SSX1: variants seen among roughly 807,000 people sequenced by gnomAD.
The protein encoded by SSX1 is protein SSX1.
SSX1 carries 58 observed loss-of-function variants against 14.6 expected under a neutral mutation model. The observed-to-expected ratio is 3.96, with a 90% confidence interval of 3.21 to 4.93. The LOEUF is 4.93. Ranked by LOEUF, SSX1 falls within the 30% of genes most tolerant of loss-of-function variation. The pLI, the probability that SSX1 is intolerant of heterozygous loss-of-function variation, is 0.00. For synonymous variants in SSX1, 46 were observed against 52.1 expected (o/e 0.88, Z 0.50); for missense variants, 272 against 143.1 (o/e 1.90, Z -4.60).
chrX:48,264,552 T>C (rs1239769674), intron 6 of SSX1, among the ~76,000 whole-genome samples: 2 of 112,465 alleles, frequency 1.8e-5, no homozygotes, highest in Non-Finnish European at 3.7e-5. Flanking sequence ...CTCTTCTTGT[T>C]GGTGGAGGGT....
At chrX:48,264,829 T>C (rs1556936154) in intron 6 of SSX1, among the ~76,000 whole-genome samples, 1 of 112,974 alleles carries the variant, frequency 8.9e-6, no homozygotes, top group African/African-American at 3.2e-5. Flanking sequence ...TTAATCTATA[T>C]TGAAAATCTG....
rs372281308 is a variant in SSX1, at chrX:48,267,256, T to TAC, written c.*428_*429dup. On this transcript the variant is annotated 3_prime_UTR_variant, in exon 8 of 8. Coordinates refer to ENST00000376919, the MANE Select transcript of SSX1 (RefSeq NM_005635.4). ...AATTTCAGACTTTTTCCTCTGCATT[T>TAC]ACACACACACACACACACACACGCA... The TAC allele has an allele frequency of 2.9e-3, 615 of 208,918 alleles. 1 individual carries two copies. Among genetic ancestry groups the TAC allele is most frequent in the African/African-American group, 7.6e-3 (212 of 28,077 alleles). 17.2% of individuals were successfully genotyped at this position (208,918 alleles called of 1,213,427 possible).
At position 48,257,868 on chromosome X, in the gene SSX1, A is replaced by T; in HGVS notation, c.184+8A>T. 9.0e-7 allele frequency: 1 copy of T among 1,109,531 alleles called. No individual in the cohort carries two copies. The highest frequency in any genetic ancestry group is 1.2e-6 in the Non-Finnish European group (1 of 809,814). The allele number at this position is 1,109,531 out of a possible 1,213,427, so 91.4% of individuals were successfully genotyped here. On this transcript the variant is annotated splice_region_variant and intron_variant, in intron 3 of 7. Coordinates refer to ENST00000376919, the MANE Select transcript of SSX1 (RefSeq NM_005635.4). ...AGGCCATGACTAAACTAGGTAACAG[A>T]AAGTTCTAGGAACAGACAAGTCTGG...
chrX:48,259,187 G>T (rs1436979925), intron 4 of SSX1, among the ~76,000 whole-genome samples: 1 of 110,752 alleles, frequency 9.0e-6, no homozygotes, highest in Non-Finnish European at 1.9e-5. Flanking sequence ...AGTAGAGATG[G>T]GGTTTCACCA....
intron 6 of SSX1, among the ~76,000 whole-genome samples, chrX:48,265,992 T>C (rs1337957458): frequency 8.9e-6 from 1 of 111,907 alleles, no homozygotes; most frequent in African/African-American, 3.3e-5. Flanking sequence ...CTGTGTGCCC[T>C]TAACAAATAC....
chrX:48,258,085 T>G (rs1411621972), intron 3 of SSX1, among the ~76,000 whole-genome samples: 1 of 108,736 alleles, frequency 9.2e-6, no homozygotes, highest in Non-Finnish European at 1.9e-5. Context: ...TTTCTCTCCC[T>G]TAGGCGTCTG....
At chrX:48,266,759 G>A (rs2059625453) in intron 7 of SSX1, 95 bp from the exon 8 acceptor site, 1 of 595,572 alleles carries the variant, frequency 1.7e-6, no homozygotes, top group South Asian at 2.6e-5. Flanking sequence ...CAGAATCAGA[G>A]TGTGCAGGGT....
chrX:48,264,195 T>C (rs782006237), intron 6 of SSX1, among the ~76,000 whole-genome samples: 1 of 112,305 alleles, frequency 8.9e-6, no homozygotes, highest in Non-Finnish European at 1.9e-5. Context: ...AGTTCGTAAA[T>C]TGTTTGGAGG....
chrX:48,265,287 C>G (rs1488899508), intron 6 of SSX1, among the ~76,000 whole-genome samples: 1 of 112,494 alleles, frequency 8.9e-6, no homozygotes, highest in Non-Finnish European at 1.9e-5. Context: ...AGAGGCCTAG[C>G]TTTCATCCTG....
Position 48,267,282 on chromosome X carries a change from C to CACAGAGAG in SSX1, c.*436_*437insGAGAGACA. The stretch of plus-strand genomic sequence containing the variant: ...ACACACACACACACACACACACGCA[C>CACAGAGAG]ACACACACACCAAGTACCAGTATAA... On this transcript the variant is annotated 3_prime_UTR_variant, in exon 8 of 8. Transcript: ENST00000376919. 4.3e-6 allele frequency: 1 copy of CACAGAGAG among 235,003 alleles called. No homozygotes were observed. Among genetic ancestry groups the CACAGAGAG allele is most frequent in the Admixed American group, 6.4e-5 (1 of 15,643 alleles). The allele number at this position is 235,003 out of a possible 1,213,427, so 19.4% of individuals were successfully genotyped here.
Position 48,255,662 on chromosome X carries a change from G to A in SSX1, c.-21+230G>A, listed in dbSNP as rs782532307. Among the ~76,000 whole-genome samples, 4 of 104,607 alleles carry A rather than the reference G, an allele frequency of 3.8e-5. No homozygotes were observed. The East Asian group carries it at 9.1e-4, about 24-fold the overall frequency. The allele number at this position is 104,607 out of a possible 115,157, so 90.8% of individuals were successfully genotyped here. ...TTTTTTTTTTTTTTAGTAGAGACGG[G>A]GATTTGTTATGTTGACCAGGCTGGC... On this transcript the variant is annotated intron_variant, in intron 1 of 7. Transcript: ENST00000376919.
intron 4 of SSX1, among the ~76,000 whole-genome samples, chrX:48,261,191 T>G (rs1478686605): frequency 8.9e-6 from 1 of 112,207 alleles, no homozygotes; most frequent in Admixed American, 9.5e-5. Context: ...GTGTCTAAAC[T>G]GTCTTCAATA....
In SSX1 at chrX:48,266,914, T is replaced by C; in HGVS notation, c.*65T>C. 2 of 1,098,763 alleles carry C rather than the reference T, an allele frequency of 1.8e-6. No homozygotes were observed. The highest frequency in any genetic ancestry group is 2.5e-6 in the Non-Finnish European group (2 of 806,509). 90.6% of individuals were successfully genotyped at this position (1,098,763 alleles called of 1,213,427 possible). A position where few individuals can be genotyped will look rare whatever the true frequency, so the allele number is the denominator to read the frequency against. The stretch of plus-strand genomic sequence containing the variant: ...AGAACGTGGTGACCTTTCACGAACA[T>C]GGGCATGGCTGCGGCTCCCTCGTCA... On this transcript the variant is annotated 3_prime_UTR_variant, in exon 8 of 8. Coordinates refer to ENST00000376919, the MANE Select transcript of SSX1 (RefSeq NM_005635.4).
intron 1 of SSX1, among the ~76,000 whole-genome samples, chrX:48,256,875 C>T (rs1556934455): frequency 9.1e-6 from 1 of 109,732 alleles, no homozygotes; most frequent in African/African-American, 3.3e-5. Context: ...CGCCCCCATT[C>T]AATAAAATTA....
rs149650631 is a variant in SSX1 at position 48,257,805 on chromosome X, G to A, written c.129G>A (p.Ser43=). 1.9e-4 allele frequency: 224 copies of A among 1,205,470 alleles called. No individual in the cohort carries two copies. Among genetic ancestry groups the A allele is most frequent in the South Asian group, 1.8e-3 (101 of 56,347 alleles). The change falls in exon 3 of 8, where the codon TCG becomes TCA. Residue 43 remains serine, a synonymous_variant. Coordinates refer to ENST00000376919, the MANE Select transcript of SSX1 (RefSeq NM_005635.4). ...AAGAGTGGAAAAAGATGAAATACTC[G>A]GAGAAAATCAGCTATGTGTATATGA... The part of the protein sequence containing the change: ...SKKEWKKMKY[S]EKISYVYMKR...
At chrX:48,266,514 G>A in intron 7 of SSX1, 123 bp downstream of exon 7, 2 of 1,117,380 alleles carry the variant, frequency 1.8e-6, no homozygotes, top group African/African-American at 3.6e-5. Context: ...CTACTGTACA[G>A]CATTGAGGCT....
chrX:48,260,833 C>T (rs1473341670), intron 4 of SSX1, among the ~76,000 whole-genome samples: 2 of 111,967 alleles, frequency 1.8e-5, no homozygotes, highest in Non-Finnish European at 3.8e-5. Context: ...AACTTCCAGA[C>T]ATTGTTTCAT....
chrX:48,257,592 G>C, intron 2 of SSX1, 154 bp from the exon 3 acceptor site: 1 of 752,490 alleles, frequency 1.3e-6, no homozygotes, highest in Non-Finnish European at 1.6e-6. Context: ...GGAGAAGCTA[G>C]GGTAGGTCCC....
intron 7 of SSX1, 78 bp downstream of exon 7, chrX:48,266,469 A>G (rs1484767550): frequency 8.4e-7 from 1 of 1,195,534 alleles, no homozygotes; most frequent in African/African-American, 1.8e-5. Context: ...CCATCTTGTC[A>G]TTTGTTTCCC....
Sources: gnomAD v4.1 joint callset for allele counts (sites outside exome capture counted in the v4.1 genomes callset) on GRCh38, gnomAD v4.1.1 for gene constraint, MANE v1.5 for transcripts, NCBI Gene and HGNC (gene_info 2026-07-23, HGNC 2026-07-21) for gene names.